Variants in ELP3 observed in about 807,000 individuals in gnomAD.
ELP3 encodes the protein elongator complex protein 3.
Under a neutral mutation model 74.9 loss-of-function variants are expected in ELP3, and 56 were observed. That is an observed-to-expected ratio of 0.75 (90% CI 0.60 to 0.93). ELP3 has a LOEUF of 0.93. ELP3 is among the 40% of genes least tolerant of loss of function. The pLI, the probability that ELP3 is intolerant of heterozygous loss-of-function variation, is 0.00. For missense variants in ELP3, 573 were observed against 686.5 expected, an observed-to-expected ratio of 0.83 and a Z score of 1.85; for synonymous variants, 222 against 239.8, an observed-to-expected ratio of 0.93 and a Z score of 0.68.
At position 28,173,379 on chromosome 8, in the gene ELP3, A is replaced by G. The variant is rs560683427; in HGVS notation, c.1567+11301A>G. On this transcript the variant is annotated intron_variant, in intron 14 of 14. Transcript: ENST00000256398. ...ATTTGTTTCATCTAGGTTATCTAAC[A>G]TGTTGGCGTACAGTTGTTCATAGTA... Among the ~76,000 whole-genome samples, 4 of 152,012 alleles carry G rather than the reference A, an allele frequency of 2.6e-5. No homozygotes were observed. The South Asian group carries it at 8.3e-4, about 31-fold the overall frequency.
rs1183705539 is a variant in ELP3, at chr8:28,147,084, C to T, written c.1101-8858C>T. On this transcript the variant is annotated intron_variant, in intron 10 of 14. Coordinates refer to ENST00000256398, the MANE Select transcript of ELP3 (RefSeq NM_018091.6). This position sits in a 1 kb window ranked among gnomAD's most constrained non-coding sequence, Gnocchi z 4.5. ...TTTTTTTCACAAGGACTCATGTTCT[C>T]ATTTTGCACCGGGCCCCACAGATTC... is the stretch of plus-strand genomic sequence containing the variant. 6.6e-6 allele frequency among the ~76,000 whole-genome samples: 1 copy of T among 152,200 alleles called. No individual in the cohort carries two copies. Among genetic ancestry groups the T allele is most frequent in the Non-Finnish European group, 1.5e-5 (1 of 68,038 alleles).
At chr8:28,110,149 C>A (rs1228720407) in intron 5 of ELP3, among the ~76,000 whole-genome samples, 2 of 152,178 alleles carry the variant, frequency 1.3e-5, no homozygotes, top group Non-Finnish European at 2.9e-5. Flanking sequence ...TCCAAGGAGA[C>A]ACCCTGCTGT....
chr8:28,167,620 G>C (rs1287922387), intron 14 of ELP3, among the ~76,000 whole-genome samples: 2 of 152,192 alleles, frequency 1.3e-5, no homozygotes, highest in Non-Finnish European at 2.9e-5. Context: ...GACACAGGAA[G>C]CCTGCCAAAT....
chr8:28,127,645 T>G (rs2130450339), intron 7 of ELP3, among the ~76,000 whole-genome samples: 1 of 152,304 alleles, frequency 6.6e-6, no homozygotes, highest in South Asian at 2.1e-4. Flanking sequence ...CGTGCCTTAG[T>G]ACCCACCTGT....
At chr8:28,186,229 C>T (rs1430170006) in intron 14 of ELP3, among the ~76,000 whole-genome samples, 1 of 152,096 alleles carries the variant, frequency 6.6e-6, no homozygotes, top group Admixed American at 6.5e-5. Flanking sequence ...TTCAGCTTTA[C>T]AAGATAAAGA....
chr8:28,101,889 C>T (rs1308074527), intron 3 of ELP3, among the ~76,000 whole-genome samples: 1 of 152,098 alleles, frequency 6.6e-6, no homozygotes, highest in Non-Finnish European at 1.5e-5. Flanking sequence ...TGTGCCTGGC[C>T]GACTTTTTAG....
chr8:28,093,599 A>G, intron 1 of ELP3: 1 of 275,100 alleles, frequency 3.6e-6, no homozygotes, highest in Non-Finnish European at 6.9e-6. Flanking sequence ...AGTTTCTTTT[A>G]AAGCCTTATT....
chr8:28,140,679 C>T (rs1047340264), intron 10 of ELP3, among the ~76,000 whole-genome samples: 1 of 152,168 alleles, frequency 6.6e-6, no homozygotes, highest in Non-Finnish European at 1.5e-5. Context: ...TTCTTGCAGT[C>T]TGTTTCATGC....
rs115472071 is a variant in ELP3 at position 28,187,176 on chromosome 8, C to T, written c.1568-2473C>T. Among the ~76,000 whole-genome samples the T allele has an allele frequency of 1.8e-3, 270 of 152,260 alleles. 1 individual carries two copies. The highest frequency in any genetic ancestry group is 6.3e-3 in the African/African-American group (260 of 41,548). ...CCCACATCCGTTGGCAGATTCTTTTCACTCTGCCTTCCACATATGCCCAGG... is the reference window on the plus strand; with the variant it reads ...CCCACATCCGTTGGCAGATTCTTTTTACTCTGCCTTCCACATATGCCCAGG... On this transcript the variant is annotated intron_variant, in intron 14 of 14. Transcript: ENST00000256398.
intron 14 of ELP3, among the ~76,000 whole-genome samples, chr8:28,180,848 CCT>C (rs1344275989): frequency 6.6e-6 from 1 of 152,130 alleles, no homozygotes; most frequent in African/African-American, 2.4e-5. Flanking sequence ...TGCTTGGGTC[CCT>C]GTCTGTGCCA....
intron 7 of ELP3, among the ~76,000 whole-genome samples, chr8:28,126,151 A>T (rs1322470221): frequency 6.6e-6 from 1 of 152,142 alleles, no homozygotes; most frequent in African/African-American, 2.4e-5. Flanking sequence ...GACTACTTGT[A>T]GTGTGGGCAG....
chr8:28,094,551 T>A (rs542297450), intron 1 of ELP3, among the ~76,000 whole-genome samples: 2 of 152,222 alleles, frequency 1.3e-5, no homozygotes, highest in South Asian at 4.1e-4. Flanking sequence ...AAACCCTGTC[T>A]CTACTAAAAA....
chr8:28,122,560 C>A (rs924803960), intron 7 of ELP3, among the ~76,000 whole-genome samples: 2 of 152,172 alleles, frequency 1.3e-5, no homozygotes, highest in African/African-American at 2.4e-5. Flanking sequence ...CTGTTTCATT[C>A]ATTTTGTCAA....
chr8:28,092,402 T>A (rs1214879434), upstream of ELP3, among the ~76,000 whole-genome samples: 2 of 152,188 alleles, frequency 1.3e-5, no homozygotes, highest in Non-Finnish European at 2.9e-5. Flanking sequence ...CTAATTTTTG[T>A]ATTTTTAGTA....
At chr8:28,181,451 A>G (rs1008273259) in intron 14 of ELP3, among the ~76,000 whole-genome samples, 1 of 152,214 alleles carries the variant, frequency 6.6e-6, no homozygotes, top group Admixed American at 6.5e-5. Flanking sequence ...ATTGCCTGTT[A>G]TCAGACCCTT....
chr8:28,097,226 C>T lies in ELP3; in HGVS notation c.27C>T (p.Leu9=). The part of the protein sequence containing the change: MRQKRKGD[L]SPAELMMLTI... ...TGAATATTAACTTTCCAGGAGATCT[C>T]AGCCCTGCTGAGCTGATGATGCTGA... Residue 9 remains leucine (L), a synonymous_variant, in exon 2 of 15, where the codon CTC becomes CTT. Transcript: ENST00000256398. The T allele has an allele frequency of 1.9e-6, 3 of 1,602,806 alleles. No individual in the cohort carries two copies. In the South Asian group the frequency reaches 3.4e-5, roughly 18 times the overall value.
intron 7 of ELP3, among the ~76,000 whole-genome samples, chr8:28,117,884 A>G (rs1052714986): frequency 1.3e-5 from 2 of 152,202 alleles, no homozygotes; most frequent in African/African-American, 4.8e-5. Flanking sequence ...CTAGAGACAG[A>G]AAGTATTTTC....
chr8:28,123,919 G>A (rs188565085), intron 7 of ELP3, among the ~76,000 whole-genome samples: 40 of 151,530 alleles, frequency 2.6e-4, no homozygotes, highest in Non-Finnish European at 4.4e-4. Flanking sequence ...CATTTCTTTA[G>A]ACAGAAGTCT....
chr8:28,158,763 T>C (rs1813946340), intron 12 of ELP3, 130 bp downstream of exon 12: 1 of 722,626 alleles, frequency 1.4e-6, no homozygotes, highest in African/African-American at 1.8e-5. Context: ...AATCGAGGAT[T>C]AGATACCGGT....
Sources: allele counts gnomAD v4.1 joint callset (sites outside exome capture counted in the v4.1 genomes callset), GRCh38; gene constraint gnomAD v4.1.1; non-coding constraint Gnocchi (gnomAD v3.1); transcripts MANE v1.5; gene names NCBI Gene and HGNC (gene_info 2026-07-23, HGNC 2026-07-21).